Variants in NAB1 observed in about 807,000 individuals in gnomAD.
NAB1 encodes NGFI-A-binding protein 1.
NAB1 carries 25 observed loss-of-function variants against 49.9 expected under a neutral mutation model. The observed-to-expected ratio is 0.50, with a 90% CI of 0.37 to 0.70. The LOEUF (loss-of-function observed/expected upper bound fraction) is 0.70. Ranked by LOEUF, NAB1 falls within the 30% of genes least tolerant of loss-of-function variation. NAB1 has a pLI of 0.00. For missense variants in NAB1, 489 were observed against 575.9 expected (o/e 0.85, Z 1.54); for synonymous variants, 198 against 215.6 (o/e 0.92, Z 0.71).
intron 4 of NAB1, among the ~76,000 whole-genome samples, chr2:190,662,821 G>A (rs1197230816): frequency 6.6e-6 from 1 of 152,060 alleles, no homozygotes; most frequent in Non-Finnish European, 1.5e-5. Context: ...GGAAGGAGAA[G>A]AGGAGAATGT....
In NAB1 at chr2:190,649,592, G is replaced by A. The variant is rs1693543229; in HGVS notation, c.-334+232G>A. 1 of 152,076 alleles carries A rather than the reference G, an allele frequency of 6.6e-6. No homozygotes were observed. The highest frequency in any genetic ancestry group is 6.5e-5 in the Admixed American group (1 of 15,280). The allele number at this position is 152,076 out of a possible 1,614,324, so 9.4% of individuals were successfully genotyped here. A position where few individuals can be genotyped will look rare whatever the true frequency, so the allele number is the denominator to read the frequency against. ...ATTCTGTGTGCCAGGGCGGCGGGGAGCGCGGCCCTGACTCGTGCATTTTCC... is the reference window on the plus strand; with the variant it reads ...ATTCTGTGTGCCAGGGCGGCGGGGAACGCGGCCCTGACTCGTGCATTTTCC... On this transcript the variant is annotated intron_variant, in intron 1 of 9. Coordinates refer to ENST00000337386, the MANE Select transcript of NAB1 (RefSeq NM_005966.4). The surrounding 1 kb of genome is among the most constrained non-coding windows in gnomAD (Gnocchi z 6.1).
At position 190,669,674 on chromosome 2, in the gene NAB1, G is replaced by T. The variant is rs1204672077; in HGVS notation, c.820-652G>T. ...AGTTTGTTAAACAATTACAGATTTT[G>T]TGTTTAGGGTAACAAAATTTTAGTA... On this transcript the variant is annotated intron_variant, in intron 4 of 9. Transcript: ENST00000337386. The surrounding 1 kb of genome is among the most constrained non-coding windows in gnomAD (Gnocchi z 4.3). 3.9e-5 allele frequency among the ~76,000 whole-genome samples: 6 copies of T among 152,138 alleles called. No individual in the cohort carries two copies. Among genetic ancestry groups the T allele is most frequent in the African/African-American group, 1.4e-4 (6 of 41,428 alleles).
chr2:190,655,231 C>T (rs1240673286), intron 2 of NAB1, among the ~76,000 whole-genome samples: 1 of 152,136 alleles, frequency 6.6e-6, no homozygotes, highest in Non-Finnish European at 1.5e-5. Flanking sequence ...CCTTCATTTG[C>T]AAAGTAGACG....
chr2:190,687,407 A>T, intron 9 of NAB1, 90 bp downstream of exon 9: 1 of 632,580 alleles, frequency 1.6e-6, no homozygotes. Flanking sequence ...AAAAAAAAAA[A>T]AAAAAAAAAA....
intron 6 of NAB1, among the ~76,000 whole-genome samples, chr2:190,673,535 A>C (rs1440395979): frequency 6.6e-6 from 1 of 152,172 alleles, no homozygotes; most frequent in South Asian, 2.1e-4. Flanking sequence ...TGTGGTGACT[A>C]GTCCAGTCAA....
intron 2 of NAB1, among the ~76,000 whole-genome samples, chr2:190,653,548 C>T (rs952630094): frequency 1.3e-5 from 2 of 152,132 alleles, no homozygotes; most frequent in Non-Finnish European, 2.9e-5. Flanking sequence ...TTTCTTCCCA[C>T]TCCTGGAAGT....
rs1695974712 is a variant in NAB1, at chr2:190,692,490, T to C, written c.*2157T>C. 1 of 152,664 alleles carries C rather than the reference T, an allele frequency of 6.6e-6. No homozygotes were observed. The highest frequency in any genetic ancestry group is 6.5e-5 in the Admixed American group (1 of 15,286). The allele number at this position is 152,664 out of a possible 1,614,324, so 9.5% of individuals were successfully genotyped here. On this transcript the variant is annotated 3_prime_UTR_variant, in exon 10 of 10. Transcript: ENST00000337386. The surrounding 1 kb of genome is among the most constrained non-coding windows in gnomAD (Gnocchi z 5.2). ...AAACACTAATGTATTAAACTTGCTA[T>C]ACATTAAAGCAAATAATATATATTT...
chr2:190,672,868 A>T (rs1369122810), intron 5 of NAB1, among the ~76,000 whole-genome samples: 1 of 152,092 alleles, frequency 6.6e-6, no homozygotes, highest in Non-Finnish European at 1.5e-5. Context: ...GTGAGTTCTT[A>T]GGTAGTGGCC....
chr2:190,686,541 T>A lies in NAB1; in HGVS notation c.1259-660T>A, dbSNP rs1298064334. Among the ~76,000 whole-genome samples, 1 of 152,186 alleles carries A rather than the reference T, an allele frequency of 6.6e-6. No individual in the cohort carries two copies. The highest frequency in any genetic ancestry group is 1.5e-5 in the Non-Finnish European group (1 of 68,016). On this transcript the variant is annotated intron_variant, in intron 8 of 9. Transcript: ENST00000337386. This position sits in a 1 kb window ranked among gnomAD's most constrained non-coding sequence, Gnocchi z 5.5. ...ATCAGAGTACTGGAAGAGAAGAAAG[T>A]TCTTCCTTTTAAAAATATTACAGGA...
intron 3 of NAB1, among the ~76,000 whole-genome samples, chr2:190,658,074 A>AG (rs1694020867): frequency 6.6e-6 from 1 of 152,208 alleles, no homozygotes; most frequent in Non-Finnish European, 1.5e-5. Flanking sequence ...GGCTGCTAAG[A>AG]GGTCAAGAAG....
At chr2:190,673,269 C>A in intron 6 of NAB1, 117 bp downstream of exon 6, 2 of 888,904 alleles carry the variant, frequency 2.2e-6, no homozygotes, top group Non-Finnish European at 3.7e-6. Context: ...TGAAAAATGG[C>A]TTTCAATAAA....
chr2:190,656,867 A>T (rs1693947944), intron 3 of NAB1, among the ~76,000 whole-genome samples: 1 of 152,144 alleles, frequency 6.6e-6, no homozygotes, highest in South Asian at 2.1e-4. Context: ...CTATTCCATA[A>T]TGTGAGGAGC....
In NAB1 at chr2:190,669,879, T is replaced by C. The variant is rs1694716900; in HGVS notation, c.820-447T>C. Among the ~76,000 whole-genome samples, 1 of 152,222 alleles carries C rather than the reference T, an allele frequency of 6.6e-6. No individual in the cohort carries two copies. The highest frequency in any genetic ancestry group is 1.5e-5 in the Non-Finnish European group (1 of 68,032). ...GTGATTTGATAAATGTTTAAAATCA[T>C]ATGGTCTTGATTCCTTTTTAAGAAT... On this transcript the variant is annotated intron_variant, in intron 4 of 9. Coordinates refer to ENST00000337386, the MANE Select transcript of NAB1 (RefSeq NM_005966.4). The surrounding 1 kb of genome is among the most constrained non-coding windows in gnomAD (Gnocchi z 4.3).
At chr2:190,687,972 T>C (rs748687003) in intron 9 of NAB1, among the ~76,000 whole-genome samples, 2 of 152,218 alleles carry the variant, frequency 1.3e-5, no homozygotes, top group Admixed American at 6.5e-5. Flanking sequence ...GATACTCATA[T>C]TTCAGAAGTA....
chr2:190,659,299 C>T lies in NAB1; in HGVS notation c.123C>T (p.Leu41=). The T allele has an allele frequency of 6.2e-7, 1 of 1,614,138 alleles. No individual in the cohort carries two copies. The highest frequency in any genetic ancestry group is 1.6e-4 in the Middle Eastern group (1 of 6,062). ...AAGGTGGTGATGATGTCCAGCAACT[C>T]TGTGAAGCAGGAGAAGAGGAGTTTT... ...IQQGGDDVQQ[L]CEAGEEEFLE... Residue 41 remains leucine (L), a synonymous_variant, in exon 4 of 10, where the codon CTC becomes CTT. Transcript: ENST00000337386. The surrounding 1 kb of genome is among the most constrained non-coding windows in gnomAD (Gnocchi z 6.2).
chr2:190,679,403 T>C lies in NAB1; in HGVS notation c.1006-4335T>C, dbSNP rs1047694346. On this transcript the variant is annotated intron_variant, in intron 6 of 9. Transcript: ENST00000337386. The surrounding 1 kb of genome is among the most constrained non-coding windows in gnomAD (Gnocchi z 5.3). ...AGAGATCACTGATTACTTTGGATAA[T>C]TGTTATTTATTACTTATTTTAGGCT... is the stretch of plus-strand genomic sequence containing the variant. Among the ~76,000 whole-genome samples the C allele has an allele frequency of 6.6e-6, 1 of 152,210 alleles. No individual in the cohort carries two copies. The highest frequency in any genetic ancestry group is 2.1e-4 in the South Asian group (1 of 4,830).
chr2:190,663,885 CTTT>C lies in NAB1; in HGVS notation c.819+3891_819+3893del, dbSNP rs1443552064. The stretch of plus-strand genomic sequence containing the variant: ...GACCATGTGTTATTTAAAAGTGTTT[CTTT>C]ATTTCCAAATATGAGTAATTTTTTT... On this transcript the variant is annotated intron_variant, in intron 4 of 9. Coordinates refer to ENST00000337386, the MANE Select transcript of NAB1 (RefSeq NM_005966.4). The surrounding 1 kb of genome is among the most constrained non-coding windows in gnomAD (Gnocchi z 4.2). Among the ~76,000 whole-genome samples, 1 of 151,908 alleles carries C rather than the reference CTTT, an allele frequency of 6.6e-6. No individual in the cohort carries two copies. Among genetic ancestry groups the C allele is most frequent in the Non-Finnish European group, 1.5e-5 (1 of 67,954 alleles).
At chr2:190,660,858 T>A (rs1416142095) in intron 4 of NAB1, among the ~76,000 whole-genome samples, 1 of 152,222 alleles carries the variant, frequency 6.6e-6, no homozygotes, top group Non-Finnish European at 1.5e-5. Flanking sequence ...CTCCTTCATC[T>A]TTATATCCCC....
rs559237215 is a variant in NAB1 at position 190,655,860 on chromosome 2, A to C, written c.-196-117A>C. ...AGGAGCCAAAGTGAATTTTAAAAAAAGTTTTGGAACAAATGATTACCGTTT... is the reference window on the plus strand; with the variant it reads ...AGGAGCCAAAGTGAATTTTAAAAAACGTTTTGGAACAAATGATTACCGTTT... On this transcript the variant is annotated intron_variant, in intron 2 of 9. Coordinates refer to ENST00000337386, the MANE Select transcript of NAB1 (RefSeq NM_005966.4). 5 of 152,392 alleles carry C rather than the reference A, an allele frequency of 3.3e-5. No individual in the cohort carries two copies. In the East Asian group the frequency reaches 9.6e-4, roughly 29 times the overall value. 9.4% of individuals were successfully genotyped at this position (152,392 alleles called of 1,614,324 possible). A position where few individuals can be genotyped will look rare whatever the true frequency, so the allele number is the denominator to read the frequency against.
Sources: gnomAD v4.1 joint callset for allele counts (sites outside exome capture counted in the v4.1 genomes callset) on GRCh38, gnomAD v4.1.1 for gene constraint, Gnocchi (gnomAD v3.1) non-coding constraint, MANE v1.5 for transcripts, NCBI Gene and HGNC (gene_info 2026-07-23, HGNC 2026-07-21) for gene names.